PSMG2: variants seen among roughly 807,000 people sequenced by gnomAD.
The protein encoded by PSMG2 is CD40 ligand-activated specific transcript 3.
PSMG2 carries 21 observed loss-of-function variants against 31.5 expected under a neutral mutation model. The ratio of observed to expected loss-of-function variants is 0.67; its 90% confidence interval spans 0.47 to 0.96. PSMG2 has a LOEUF of 0.96. Among genes scored for constraint, PSMG2 ranks in the 40% least tolerant of loss-of-function variants. PSMG2 has a pLI of 0.00. For synonymous variants in PSMG2, 120 were observed against 110.4 expected (o/e 1.09, Z -0.54); for missense variants, 318 against 321.2 (o/e 0.99, Z 0.08).
chr18:12,680,643 ATAAACTTAG>A, intron 1 of PSMG2: 2 of 1,518,882 alleles, frequency 1.3e-6, no homozygotes, highest in Non-Finnish European at 1.8e-6. Context: ...TAATATCCTT[ATAAACTTAG>A]TAAACTAACC....
chr18:12,662,681 G>A (rs764791934), intron 1 of PSMG2, among the ~76,000 whole-genome samples: 2 of 152,156 alleles, frequency 1.3e-5, no homozygotes, highest in African/African-American at 2.4e-5. Flanking sequence ...GAAGGCTGAG[G>A]CACAAGAATC....
At chr18:12,659,278 T>C (rs556805964) in intron 1 of PSMG2, among the ~76,000 whole-genome samples, 3 of 152,274 alleles carry the variant, frequency 2.0e-5, no homozygotes, top group Non-Finnish European at 4.4e-5. Flanking sequence ...ACAGTCTATT[T>C]AAATAACAAC....
intron 1 of PSMG2, among the ~76,000 whole-genome samples, chr18:12,692,583 C>T (rs766560924): frequency 2.0e-5 from 3 of 152,144 alleles, no homozygotes; most frequent in South Asian, 2.1e-4. Context: ...CTTAGTCACT[C>T]GACCTATAAT....
At chr18:12,676,916 G>A (rs1446373082) in intron 1 of PSMG2, among the ~76,000 whole-genome samples, 1 of 152,170 alleles carries the variant, frequency 6.6e-6, no homozygotes, top group African/African-American at 2.4e-5. Context: ...CACCCAAGGT[G>A]AGGAGTGGAA....
chr18:12,706,419 A>G, intron 1 of PSMG2, 131 bp from the exon 2 acceptor site: 2 of 865,824 alleles, frequency 2.3e-6, no homozygotes, highest in South Asian at 1.6e-5. Context: ...GCCAGGAGGC[A>G]GAGGCTGCAG....
intron 1 of PSMG2, among the ~76,000 whole-genome samples, chr18:12,695,578 T>C (rs920824712): frequency 2.0e-5 from 3 of 151,988 alleles, no homozygotes; most frequent in African/African-American, 7.2e-5. Flanking sequence ...TCTGACACTC[T>C]TTTTCTTCTT....
upstream of PSMG2, among the ~76,000 whole-genome samples, chr18:12,699,392 TATG>T: frequency 6.6e-6 from 1 of 152,232 alleles, no homozygotes; most frequent in Non-Finnish European, 1.5e-5. Context: ...ATACACAAAA[TATG>T]ATATTCTTTT....
chr18:12,697,666 T>A (rs1456830393), intron 1 of PSMG2, among the ~76,000 whole-genome samples: 1 of 152,234 alleles, frequency 6.6e-6, no homozygotes, highest in Non-Finnish European at 1.5e-5. Flanking sequence ...ATTCATAAGA[T>A]AAGTCTGTTC....
At chr18:12,711,523 C>T (rs980024022) in intron 2 of PSMG2, among the ~76,000 whole-genome samples, 1 of 152,130 alleles carries the variant, frequency 6.6e-6, no homozygotes, top group South Asian at 2.1e-4. Context: ...ACTGAACATA[C>T]CTGGTGCTTG....
chr18:12,679,135 G>GA (rs2039253677), intron 1 of PSMG2: 1 of 151,738 alleles, frequency 6.6e-6, no homozygotes, highest in African/African-American at 2.4e-5. Context: ...CAAGATGAAG[G>GA]AAAAACTAAG....
chr18:12,678,184 T>C (rs1037424736), intron 1 of PSMG2: 1 of 1,614,084 alleles, frequency 6.2e-7, no homozygotes, highest in Non-Finnish European at 8.5e-7. Context: ...CAATTGTGGA[T>C]GCACACAGAG....
At chr18:12,703,033 C>G (rs909850388), upstream of PSMG2, 43 of 1,536,380 alleles carry the variant, frequency 2.8e-5, no homozygotes, top group African/African-American at 4.5e-4. Flanking sequence ...TCCGGGGTCT[C>G]GGGCTTCCGC....
chr18:12,716,699 A>G lies in PSMG2; in HGVS notation c.289-1818A>G, dbSNP rs532749349. Reference sequence around the variant, plus strand: ...GTGAGCCACCGTGCCTGGCCACAAGACTAATTTCAAAATAGCAAACATTTA... The same window carrying G: ...GTGAGCCACCGTGCCTGGCCACAAGGCTAATTTCAAAATAGCAAACATTTA... On this transcript the variant is annotated intron_variant, in intron 3 of 6. Transcript: ENST00000317615. Among the ~76,000 whole-genome samples, 4 of 152,002 alleles carry G rather than the reference A, an allele frequency of 2.6e-5. No homozygotes were observed. The South Asian group carries it at 8.3e-4, about 32-fold the overall frequency.
At chr18:12,689,778 A>G (rs765330045) in intron 1 of PSMG2, among the ~76,000 whole-genome samples, 1 of 151,742 alleles carries the variant, frequency 6.6e-6, no homozygotes. Flanking sequence ...ATATATATAT[A>G]TGTATATTTT....
intron 1 of PSMG2, among the ~76,000 whole-genome samples, chr18:12,696,445 G>T (rs2039961190): frequency 6.6e-6 from 1 of 152,118 alleles, no homozygotes; most frequent in South Asian, 2.1e-4. Flanking sequence ...GGGGGTTGCA[G>T]TGAGCCGAGA....
intron 1 of PSMG2, among the ~76,000 whole-genome samples, chr18:12,666,600 G>GGTTGTT (rs760290157): frequency 6.6e-6 from 1 of 151,762 alleles, no homozygotes; most frequent in Non-Finnish European, 1.5e-5. Flanking sequence ...CACCATGCCT[G>GGTTGTT]GTTGTTGTTG....
intron 1 of PSMG2, among the ~76,000 whole-genome samples, chr18:12,672,214 A>C (rs563027422): frequency 6.6e-6 from 1 of 151,622 alleles, no homozygotes; most frequent in Admixed American, 6.6e-5. Flanking sequence ...TCCCAGGTTC[A>C]AGCGATTCTC....
At chr18:12,687,042 T>A (rs981710690) in intron 1 of PSMG2, among the ~76,000 whole-genome samples, 2 of 152,318 alleles carry the variant, frequency 1.3e-5, no homozygotes, top group Admixed American at 6.5e-5. Context: ...TGGTGCTGAA[T>A]AACTTGTATG....
chr18:12,717,201 G>A (rs541622450), intron 3 of PSMG2, among the ~76,000 whole-genome samples: 62 of 150,768 alleles, frequency 4.1e-4, no homozygotes, highest in African/African-American at 1.1e-3. Flanking sequence ...TGCCCACCAC[G>A]GCCTCCCAAA....
Sources: gnomAD v4.1 joint callset for allele counts (sites outside exome capture counted in the v4.1 genomes callset) on GRCh38, gnomAD v4.1.1 for gene constraint, MANE v1.5 for transcripts, NCBI Gene and HGNC (gene_info 2026-07-23, HGNC 2026-07-21) for gene names.